Variants in TMA16 observed in about 807,000 individuals in gnomAD.
TMA16 encodes the protein translation machinery-associated protein 16.
In TMA16, 26 loss-of-function variants were observed where a neutral mutation model predicts 27.1. The ratio of observed to expected loss-of-function variants is 0.96; its 90% CI spans 0.70 to 1.33. The LOEUF (loss-of-function observed/expected upper bound fraction) is 1.33. Among genes scored for constraint, TMA16 ranks in the 40% most tolerant of loss-of-function variants. The probability of loss-of-function intolerance (pLI) is 0.00; values close to 1 mark genes in which losing one functional copy is unlikely to be tolerated. For missense variants in TMA16, 233 were observed against 241.4 expected, an observed-to-expected ratio of 0.97 and a Z score of 0.23; for synonymous variants, 71 against 81.9, an observed-to-expected ratio of 0.87 and a Z score of 0.72.
chr4:163,519,578 T>A lies in TMA16; in HGVS notation c.*64T>A, dbSNP rs1211357704. On this transcript the variant is annotated 3_prime_UTR_variant, in exon 7 of 7. Transcript: ENST00000358572. ...TTCAAATTATATTCATTGATTATGG[T>A]ACCTAATTGTCATGATACAAAAATT... is the stretch of plus-strand genomic sequence containing the variant. 1.4e-5 allele frequency: 20 copies of A among 1,424,302 alleles called. No homozygotes were observed. The South Asian group carries it at 2.9e-4, about 21-fold the overall frequency. The allele number at this position is 1,424,302 out of a possible 1,614,324, so 88.2% of individuals were successfully genotyped here.
intron 1 of TMA16, 158 bp downstream of exon 1, chr4:163,494,962 T>C (rs546900172): frequency 1.8e-6 from 2 of 1,092,262 alleles, no homozygotes; most frequent in Non-Finnish European, 2.6e-6. Context: ...GCGAAGCCTC[T>C]GGGAGGCGAG....
intron 2 of TMA16, chr4:163,512,426 T>G (rs766221908): frequency 6.4e-6 from 1 of 156,590 alleles, no homozygotes; most frequent in Non-Finnish European, 1.4e-5. Flanking sequence ...TTATTGAAAT[T>G]TAAAAGATGA....
chr4:163,516,965 A>G (rs1737889201), intron 5 of TMA16: 1 of 154,048 alleles, frequency 6.5e-6, no homozygotes, highest in South Asian at 2.0e-4. Flanking sequence ...TTAAAAAAGG[A>G]CAGGGTTTAT....
intron 2 of TMA16, among the ~76,000 whole-genome samples, chr4:163,509,943 G>A (rs1737768694): frequency 6.6e-6 from 1 of 152,174 alleles, no homozygotes; most frequent in Admixed American, 6.5e-5. Flanking sequence ...AACTACCTTT[G>A]AGAATTAATC....
At chr4:163,508,379 A>G (rs1737746102) in intron 2 of TMA16, among the ~76,000 whole-genome samples, 1 of 152,178 alleles carries the variant, frequency 6.6e-6, no homozygotes, top group Admixed American at 6.5e-5. Flanking sequence ...CTGCTGGTTT[A>G]GGGACCACAC....
chr4:163,496,779 G>A (rs1467402707), intron 1 of TMA16, among the ~76,000 whole-genome samples: 2 of 151,704 alleles, frequency 1.3e-5, no homozygotes, highest in South Asian at 2.1e-4. Flanking sequence ...TGTATGTTTA[G>A]TAGAGACAGG....
Position 163,519,567 on chromosome 4 carries a change from A to C in TMA16, c.*53A>C. On this transcript the variant is annotated 3_prime_UTR_variant, in exon 7 of 7. Coordinates refer to ENST00000358572, the MANE Select transcript of TMA16 (RefSeq NM_018352.3). ...AATTTGAGAGCTTCAAATTATATTC[A>C]TTGATTATGGTACCTAATTGTCATG... 6.9e-7 allele frequency: 1 copy of C among 1,456,682 alleles called. No homozygotes were observed. Among genetic ancestry groups the C allele is most frequent in the East Asian group, 2.7e-5 (1 of 37,672 alleles). 90.2% of individuals were successfully genotyped at this position (1,456,682 alleles called of 1,614,324 possible). A position where few individuals can be genotyped will look rare whatever the true frequency, so the allele number is the denominator to read the frequency against.
chr4:163,507,033 C>G lies in TMA16; in HGVS notation c.4C>G (p.Pro2Ala), dbSNP rs751185959. 6.3e-7 allele frequency: 1 copy of G among 1,581,098 alleles called. No homozygotes were observed. The highest frequency in any genetic ancestry group is 8.6e-7 in the Non-Finnish European group (1 of 1,163,008). MPKAPKGKSAGR... is the reference protein window; with the variant it reads MAKAPKGKSAGR... ...TGTCATGTGTTTTCATACATTTTAG[C>G]CCAAAGCACCAAAGGGAAAAAGTGC... is the stretch of plus-strand genomic sequence containing the variant. The change falls in exon 2 of 7, where the codon CCC (proline) becomes GCC (alanine). Residue 2 changes from proline (P) to alanine (A), a missense_variant and splice_region_variant. Transcript: ENST00000358572.
chr4:163,514,215 TTCTTTAAGACACAGAGC>T, intron 4 of TMA16, 57 bp downstream of exon 4: 1 of 1,384,202 alleles, frequency 7.2e-7, no homozygotes, highest in South Asian at 1.4e-5. Flanking sequence ...TCCAGCCTGG[TTCTTTAAGACACAGAGC>T]TCTGTTACGG....
intron 1 of TMA16, among the ~76,000 whole-genome samples, chr4:163,501,480 T>TATTTTA (rs927746436): frequency 1.3e-5 from 2 of 152,222 alleles, no homozygotes; most frequent in African/African-American, 4.8e-5. Context: ...TTCTACAGCT[T>TATTTTA]ATTTTAATGC....
intron 1 of TMA16, 27 bp downstream of exon 1, chr4:163,494,831 C>G: frequency 6.2e-7 from 1 of 1,610,764 alleles, no homozygotes; most frequent in South Asian, 1.1e-5. Context: ...TCCCCCGAAC[C>G]GCTCGGTTGG....
At chr4:163,495,844 A>C (rs2110783210) in intron 1 of TMA16, among the ~76,000 whole-genome samples, 1 of 152,124 alleles carries the variant, frequency 6.6e-6, no homozygotes, top group South Asian at 2.1e-4. Context: ...TTTGTACTTT[A>C]GATTGTACAC....
chr4:163,500,922 C>G (rs1236002146), intron 1 of TMA16, among the ~76,000 whole-genome samples: 2 of 152,152 alleles, frequency 1.3e-5, no homozygotes, highest in Non-Finnish European at 2.9e-5. Flanking sequence ...AAGGCAAGTA[C>G]TATTGTATTT....
chr4:163,509,231 G>A (rs1018262923), intron 2 of TMA16, among the ~76,000 whole-genome samples: 6 of 152,286 alleles, frequency 3.9e-5, no homozygotes, highest in African/African-American at 9.6e-5. Flanking sequence ...CAAAAGGCAC[G>A]TTGAAACGCT....
At chr4:163,501,998 T>C (rs1474793985) in intron 1 of TMA16, among the ~76,000 whole-genome samples, 2 of 152,196 alleles carry the variant, frequency 1.3e-5, no homozygotes, top group Non-Finnish European at 2.9e-5. Context: ...TGTCAGTTTT[T>C]GATCTGGAAG....
intron 1 of TMA16, among the ~76,000 whole-genome samples, chr4:163,506,574 A>G (rs372320053): frequency 1.3e-5 from 2 of 152,182 alleles, no homozygotes; most frequent in South Asian, 4.1e-4. Context: ...TGTACAGGCA[A>G]TGAGCCCAGC....
intron 1 of TMA16, among the ~76,000 whole-genome samples, chr4:163,495,313 T>G (rs576717187): frequency 3.3e-5 from 5 of 152,354 alleles, no homozygotes; most frequent in Admixed American, 6.5e-5. Context: ...TATTAAAAAC[T>G]GAGTAGATAC....
chr4:163,501,332 C>T (rs1332248703), intron 1 of TMA16, among the ~76,000 whole-genome samples: 1 of 152,142 alleles, frequency 6.6e-6, no homozygotes, highest in East Asian at 1.9e-4. Context: ...TTTCTTAGTA[C>T]GTTTATTGTC....
At chr4:163,498,695 C>G (rs932559291) in intron 1 of TMA16, among the ~76,000 whole-genome samples, 3 of 152,084 alleles carry the variant, frequency 2.0e-5, no homozygotes, top group Non-Finnish European at 2.9e-5. Context: ...GATGGAGTCT[C>G]ACTCTGTCAC....
Sources: gnomAD v4.1 joint callset for allele counts (sites outside exome capture counted in the v4.1 genomes callset) on GRCh38, gnomAD v4.1.1 for gene constraint, MANE v1.5 for transcripts, NCBI Gene and HGNC (gene_info 2026-07-23, HGNC 2026-07-21) for gene names.